LMOD1: variants seen among roughly 807,000 people sequenced by gnomAD.
LMOD1 encodes leiomodin-1.
Under a neutral mutation model 36.5 loss-of-function variants are expected in LMOD1, and 8 were observed. That is an observed-to-expected ratio of 0.22 (90% CI 0.13 to 0.40). LMOD1 has a LOEUF of 0.40. LMOD1 is among the 10% of genes least tolerant of loss of function. The probability of loss-of-function intolerance (pLI) is 1.00; values close to 1 mark genes in which losing one functional copy is unlikely to be tolerated. For synonymous variants in LMOD1, 284 were observed against 288.7 expected (o/e 0.98, Z 0.17); for missense variants, 630 against 751.1 (o/e 0.84, Z 1.88).
chr1:201,920,659 C>A (rs191652712), intron 1 of LMOD1, among the ~76,000 whole-genome samples: 305 of 152,276 alleles, frequency 2.0e-3, no homozygotes, highest in Non-Finnish European at 3.0e-3. Context: ...AGACAGGGAG[C>A]AAACAAGGAT....
chr1:201,898,635 G>C (rs568533109), intron 2 of LMOD1, among the ~76,000 whole-genome samples: 5 of 152,288 alleles, frequency 3.3e-5, no homozygotes, highest in African/African-American at 1.2e-4. Flanking sequence ...ATGATGTTGT[G>C]GGGGTTGGGT....
chr1:201,929,191 C>T (rs1039055814), intron 1 of LMOD1, among the ~76,000 whole-genome samples: 8 of 151,966 alleles, frequency 5.3e-5, no homozygotes, highest in African/African-American at 1.9e-4. Context: ...CAACCTCTGC[C>T]TCCTGGGTTC....
intron 1 of LMOD1, among the ~76,000 whole-genome samples, chr1:201,933,767 C>T (rs1389044817): frequency 6.6e-6 from 1 of 151,416 alleles, no homozygotes; most frequent in African/African-American, 2.4e-5. Context: ...CACTTTTGTG[C>T]ACATTTCTGT....
intron 1 of LMOD1, among the ~76,000 whole-genome samples, chr1:201,936,320 C>A (rs1223578074): frequency 6.6e-6 from 1 of 152,020 alleles, no homozygotes; most frequent in African/African-American, 2.4e-5. Context: ...GAAGAATGAG[C>A]CTTTTAAAGG....
chr1:201,937,362 C>T (rs1240893309), intron 1 of LMOD1, among the ~76,000 whole-genome samples: 1 of 151,794 alleles, frequency 6.6e-6, no homozygotes, highest in Non-Finnish European at 1.5e-5. Flanking sequence ...CAGGAGGATC[C>T]CTTGAGCTCA....
At position 201,899,537 on chromosome 1, in the gene LMOD1, C is replaced by A; in HGVS notation, c.1476G>T (p.Lys492Asn). 1 of 1,613,860 alleles carries A rather than the reference C, an allele frequency of 6.2e-7. No individual in the cohort carries two copies. The highest frequency in any genetic ancestry group is 8.5e-7 in the Non-Finnish European group (1 of 1,179,826). ...CCTTGGGTACCTCCAGCAGATCCTT[C>A]TTCTCTCCCTTGGCTTCCTGTGCCT... is the stretch of plus-strand genomic sequence containing the variant. ...QRQAQEAKGE[K>N]KDLLEVPKAG... Residue 492 changes from lysine to asparagine, a missense_variant, in exon 2 of 3, where the codon AAG becomes AAT. Physicochemically the swap from Lys to Asn is moderately conservative, Grantham distance 94. Around this residue, in one of 3 missense-constraint regions of LMOD1, gnomAD observed 144 missense variants for 169.8 expected, o/e 0.85. Coordinates refer to ENST00000367288, the MANE Select transcript of LMOD1 (RefSeq NM_012134.3). This position sits in a 1 kb window ranked among gnomAD's most constrained non-coding sequence, Gnocchi z 6.3.
intron 1 of LMOD1, among the ~76,000 whole-genome samples, chr1:201,923,708 A>T (rs1681745265): frequency 6.6e-6 from 1 of 152,048 alleles, no homozygotes; most frequent in African/African-American, 2.4e-5. Context: ...TACTAAAAAT[A>T]CAAAACGTTA....
At chr1:201,944,916 A>C (rs569834615) in intron 1 of LMOD1, among the ~76,000 whole-genome samples, 26 of 152,352 alleles carry the variant, frequency 1.7e-4, no homozygotes, top group African/African-American at 5.8e-4. Context: ...ATTTTGGATG[A>C]TAATGTTCCC....
chr1:201,924,626 A>C (rs1208311120), intron 1 of LMOD1, among the ~76,000 whole-genome samples: 1 of 148,386 alleles, frequency 6.7e-6, no homozygotes, highest in Non-Finnish European at 1.5e-5. Context: ...AAGAAGAAAG[A>C]AAGGAAGAAT....
At chr1:201,922,286 C>T (rs767587920) in intron 1 of LMOD1, among the ~76,000 whole-genome samples, 4 of 152,162 alleles carry the variant, frequency 2.6e-5, no homozygotes, top group Non-Finnish European at 5.9e-5. Context: ...AAAGCTTCCA[C>T]ACAAATGTTC....
rs200871425 is a variant in LMOD1, at chr1:201,946,202, C to A, written c.139G>T (p.Val47Leu). The A allele has an allele frequency of 1.6e-3, 2,503 of 1,614,050 alleles. 16 individuals are homozygous for A. Among genetic ancestry groups the A allele is most frequent in the Middle Eastern group, 0.01 (61 of 6,062 alleles). Residue 47 changes from valine to leucine, a missense_variant, in exon 1 of 3, where the codon GTG becomes TTG. Val to Leu is a conservative substitution (Grantham distance 32). This residue lies in a region of LMOD1 where 405 missense variants were observed against 400.6 expected (regional missense o/e 1.01). Transcript: ENST00000367288. ...GTCTGGTTTCTCTGCCGCAGCCCCA[C>A]GGGAACACTCCCGTCTGGGTCCACC... The part of the protein sequence containing the change: ...DVVDPDGSVP[V>L]GLRQRNQTEK...
Position 201,899,669 on chromosome 1 carries a change from G to A in LMOD1, c.1344C>T (p.Leu448=), listed in dbSNP as rs754311920. The change falls in exon 2 of 3, where the codon CTC becomes CTT. Residue 448 remains leucine, a synonymous_variant. Coordinates refer to ENST00000367288, the MANE Select transcript of LMOD1 (RefSeq NM_012134.3). This position sits in a 1 kb window ranked among gnomAD's most constrained non-coding sequence, Gnocchi z 6.3. ...AKLLKENTTL[L]KLGYHFELAG... is the part of the protein sequence containing the mutation. ...CCAGCTCAAAATGGTAGCCCAGCTT[G>A]AGCAGGGTAGTATTCTCCTTCAGCA... The A allele has an allele frequency of 3.7e-6, 6 of 1,613,848 alleles. No individual in the cohort carries two copies. The highest frequency in any genetic ancestry group is 4.2e-6 in the Non-Finnish European group (5 of 1,179,874).
chr1:201,900,543 C>A lies in LMOD1; in HGVS notation c.470G>T (p.Gly157Val). 6.2e-7 allele frequency: 1 copy of A among 1,613,886 alleles called. No individual in the cohort carries two copies. Among genetic ancestry groups the A allele is most frequent in the Non-Finnish European group, 8.5e-7 (1 of 1,179,894 alleles). ...EKPKEEKIIR[G>V]IDKGRVRAAV... ...AGCCCTGACCCGGCCCTTGTCAATGCCCCGGATGATCTTCTCCTCCTTGGG... is the reference window on the plus strand; with the variant it reads ...AGCCCTGACCCGGCCCTTGTCAATGACCCGGATGATCTTCTCCTCCTTGGG... The change falls in exon 2 of 3, where the codon GGC becomes GTC. Residue 157 changes from glycine to valine, a missense_variant. Coordinates refer to ENST00000367288, the MANE Select transcript of LMOD1 (RefSeq NM_012134.3).
chr1:201,899,571 T>C lies in LMOD1; in HGVS notation c.1442A>G (p.Glu481Gly). Residue 481 changes from glutamate to glycine, a missense_variant, in exon 2 of 3, where the codon GAG becomes GGG. Physicochemically the swap from Glu to Gly is moderately conservative, Grantham distance 98. This residue lies in a region of LMOD1 where 144 missense variants were observed against 169.8 expected (regional missense o/e 0.85). Coordinates refer to ENST00000367288, the MANE Select transcript of LMOD1 (RefSeq NM_012134.3). The surrounding 1 kb of genome is among the most constrained non-coding windows in gnomAD (Gnocchi z 6.3). ...MDKQRQKRLQ[E>G]QRQAQEAKGE... is the part of the protein sequence containing the mutation. ...CTTGGCTTCCTGTGCCTGCCTTTGC[T>C]CCTGCAGCCGCTTTTGTCTCTGCTT... 2 of 1,613,452 alleles carry C rather than the reference T, an allele frequency of 1.2e-6. No homozygotes were observed. Among genetic ancestry groups the C allele is most frequent in the Non-Finnish European group, 1.7e-6 (2 of 1,179,662 alleles).
intron 1 of LMOD1, among the ~76,000 whole-genome samples, chr1:201,912,458 G>A (rs1681509881): frequency 6.6e-6 from 1 of 151,550 alleles, no homozygotes; most frequent in African/African-American, 2.4e-5. Context: ...CATCTCCCCT[G>A]CAGGATCAGG....
chr1:201,926,421 A>G (rs1015260745), intron 1 of LMOD1, among the ~76,000 whole-genome samples: 5 of 152,168 alleles, frequency 3.3e-5, no homozygotes, highest in African/African-American at 1.2e-4. Context: ...CCAAAGGCCA[A>G]GAGAAGGAGC....
At position 201,901,562 on chromosome 1, in the gene LMOD1, A is replaced by G. The variant is rs867247097; in HGVS notation, c.262-811T>C. Among the ~76,000 whole-genome samples the G allele has an allele frequency of 7.6e-3, 203 of 26,582 alleles. 11 individuals carry two copies. The highest frequency in any genetic ancestry group is 0.029 in the African/African-American group (138 of 4,788). The allele number at this position is 26,582 out of a possible 152,430, so 17.4% of individuals were successfully genotyped here. A position where few individuals can be genotyped will look rare whatever the true frequency, so the allele number is the denominator to read the frequency against. ...TATATATATATATATACATATATATATGTATATATATATATATATATACAT... is the reference window on the plus strand; with the variant it reads ...TATATATATATATATACATATATATGTGTATATATATATATATATATACAT... On this transcript the variant is annotated intron_variant, in intron 1 of 2. Transcript: ENST00000367288.
chr1:201,903,306 G>A (rs1164141587), intron 1 of LMOD1, among the ~76,000 whole-genome samples: 1 of 152,234 alleles, frequency 6.6e-6, no homozygotes, highest in African/African-American at 2.4e-5. Context: ...GGCCTAGTGA[G>A]ACAGGGCCTT....
At chr1:201,925,667 G>GT (rs57789702) in intron 1 of LMOD1, among the ~76,000 whole-genome samples, 60,967 of 139,152 alleles carry the variant, frequency 0.44, 13,314 homozygotes, top group East Asian at 0.81. Context: ...CTGGAGGCTT[G>GT]TTTTTTTTTT....
Sources: allele counts gnomAD v4.1 joint callset (sites outside exome capture counted in the v4.1 genomes callset), GRCh38; gene constraint gnomAD v4.1.1; regional missense constraint gnomAD v4.1.1; non-coding constraint Gnocchi (gnomAD v3.1); transcripts MANE v1.5; gene names NCBI Gene and HGNC (gene_info 2026-07-23, HGNC 2026-07-21).